ANKMY1: variants seen among roughly 807,000 people sequenced by gnomAD.
ANKMY1 encodes ankyrin repeat and MYND domain containing 1.
ANKMY1 carries 98 observed loss-of-function variants against 102.0 expected under a neutral mutation model. That is an observed-to-expected ratio of 0.96 (90% CI 0.82 to 1.14). The LOEUF is 1.14. Among genes scored for constraint, ANKMY1 ranks in the 50% most tolerant of loss-of-function variants. The pLI, the probability that ANKMY1 is intolerant of heterozygous loss-of-function variation, is 0.00. For synonymous variants in ANKMY1, 582 were observed against 559.9 expected, an observed-to-expected ratio of 1.04 and a Z score of -0.56; for missense variants, 1,330 against 1,347.6, an observed-to-expected ratio of 0.99 and a Z score of 0.20.
chr2:240,519,469 C>T (rs1342177721), intron 9 of ANKMY1, among the ~76,000 whole-genome samples: 1 of 152,226 alleles, frequency 6.6e-6, no homozygotes, highest in Non-Finnish European at 1.5e-5. Flanking sequence ...GTGAACCTAA[C>T]GAGGCCCTCA....
chr2:240,545,200 C>T (rs1354810085), intron 4 of ANKMY1, among the ~76,000 whole-genome samples: 1 of 152,246 alleles, frequency 6.6e-6, no homozygotes, highest in Admixed American at 6.5e-5. Flanking sequence ...GGTCCCTGAC[C>T]TCTGACCCCC....
intron 8 of ANKMY1, chr2:240,522,842 C>A (rs564298384): frequency 6.6e-6 from 1 of 152,364 alleles, no homozygotes; most frequent in South Asian, 2.1e-4. Context: ...TTAAGGGAAG[C>A]TATGAAGGTC....
At chr2:240,540,510 T>G (rs190020620) in intron 4 of ANKMY1, among the ~76,000 whole-genome samples, 2 of 152,224 alleles carry the variant, frequency 1.3e-5, no homozygotes, top group Non-Finnish European at 2.9e-5. Context: ...ACCAGATCAC[T>G]GCATCCAATG....
In ANKMY1 at chr2:240,545,249, G is replaced by C. The variant is rs532512912; in HGVS notation, c.480+7665C>G. On this transcript the variant is annotated intron_variant, in intron 4 of 17. Coordinates refer to ENST00000401804, the MANE Select transcript of ANKMY1 (RefSeq NM_001282771.3). ...TGGGAGGCACCCCCCAGCAGGGGCAGACTGACACCTCACAGGGCCGGGTAC... is the reference window on the plus strand; with the variant it reads ...TGGGAGGCACCCCCCAGCAGGGGCACACTGACACCTCACAGGGCCGGGTAC... Among the ~76,000 whole-genome samples, 767 of 152,334 alleles carry C rather than the reference G, an allele frequency of 5.0e-3. 4 individuals are homozygous for C. Among genetic ancestry groups the C allele is most frequent in the Non-Finnish European group, 7.9e-3 (535 of 68,028 alleles).
At chr2:240,524,620 G>A (rs181344109) in intron 7 of ANKMY1, among the ~76,000 whole-genome samples, 122 of 152,328 alleles carry the variant, frequency 8.0e-4, no homozygotes, top group Non-Finnish European at 1.4e-3. Context: ...CCTATACATG[G>A]CTGCTAAGCT....
At position 240,520,292 on chromosome 2, in the gene ANKMY1, G is replaced by A. The variant is rs1186541125; in HGVS notation, c.2004+70C>T. 6.7e-7 allele frequency: 1 copy of A among 1,487,918 alleles called. No individual in the cohort carries two copies. The allele number at this position is 1,487,918 out of a possible 1,614,324, so 92.2% of individuals were successfully genotyped here. A position where few individuals can be genotyped will look rare whatever the true frequency, so the allele number is the denominator to read the frequency against. ...CCTCTCTTCCGCGCCTAGGTGGAGC[G>A]AGGAGCTTCCCGGCCAGTGCCCGGG... On this transcript the variant is annotated intron_variant, in intron 9 of 17. Coordinates refer to ENST00000401804, the MANE Select transcript of ANKMY1 (RefSeq NM_001282771.3). This position sits in a 1 kb window ranked among gnomAD's most constrained non-coding sequence, Gnocchi z 4.8.
chr2:240,528,090 C>T (rs1221244943), intron 5 of ANKMY1, among the ~76,000 whole-genome samples: 1 of 152,084 alleles, frequency 6.6e-6, no homozygotes. Flanking sequence ...AGTTCAAGAC[C>T]AGCCTGGCCA....
At position 240,506,764 on chromosome 2, in the gene ANKMY1, G is replaced by A. The variant is rs1463513095; in HGVS notation, c.2526+796C>T. Among the ~76,000 whole-genome samples the A allele has an allele frequency of 6.6e-6, 1 of 152,118 alleles. No individual in the cohort carries two copies. Among genetic ancestry groups the A allele is most frequent in the Non-Finnish European group, 1.5e-5 (1 of 68,028 alleles). ...GTGGTGCCCACAGCGGACACAGGAA[G>A]GGCTGGCATGGGCGGAGGGCAGCAG... On this transcript the variant is annotated intron_variant, in intron 13 of 17. Transcript: ENST00000401804. The surrounding 1 kb of genome is among the most constrained non-coding windows in gnomAD (Gnocchi z 4.9).
chr2:240,531,825 T>C (rs1229829184), intron 4 of ANKMY1, among the ~76,000 whole-genome samples: 1 of 152,240 alleles, frequency 6.6e-6, no homozygotes, highest in Non-Finnish European at 1.5e-5. Context: ...AATGACTATA[T>C]GCATTTGCTC....
rs774820068 is a variant in ANKMY1, at chr2:240,481,029, C to T, written c.2954G>A (p.Arg985His). The T allele has an allele frequency of 5.6e-6, 9 of 1,613,828 alleles. No individual in the cohort carries two copies. Among genetic ancestry groups the T allele is most frequent in the East Asian group, 2.2e-5 (1 of 44,880 alleles). ...GCTGCAGGTCAGGATCCCGTAGCAG[C>T]GAGGGCAGGGCAAGAGGCGGACCCC... ...SIGVRLLPCP[R>H]CYGILTCSKY... Residue 985 changes from arginine to histidine, a missense_variant, in exon 17 of 18, where the codon CGC (arginine) becomes CAC (histidine). Physicochemically the swap from Arg to His is conservative, Grantham distance 29 (BLOSUM62 0). Transcript: ENST00000401804.
chr2:240,482,166 C>A lies in ANKMY1; in HGVS notation c.2885+17G>T. ...GGCTGCCATCCTGGAAAGAACCCAG[C>A]CTGCAGACACACTTACTGCCCCTGC... On this transcript the variant is annotated intron_variant, in intron 16 of 17. Coordinates refer to ENST00000401804, the MANE Select transcript of ANKMY1 (RefSeq NM_001282771.3). 1.9e-6 allele frequency: 3 copies of A among 1,611,306 alleles called. No homozygotes were observed. Among genetic ancestry groups the A allele is most frequent in the Non-Finnish European group, 1.7e-6 (2 of 1,178,562 alleles).
chr2:240,557,461 C>A, intron 1 of ANKMY1, 109 bp from the exon 2 acceptor site: 1 of 1,289,670 alleles, frequency 7.8e-7, no homozygotes, highest in East Asian at 2.8e-5. Context: ...ACCCAAGCCC[C>A]TCCCTGAACC....
chr2:240,493,269 G>A (rs2076857508), intron 15 of ANKMY1, among the ~76,000 whole-genome samples: 1 of 152,182 alleles, frequency 6.6e-6, no homozygotes, highest in African/African-American at 2.4e-5. Flanking sequence ...AGAGGTTACA[G>A]TAAGCTGAGA....
intron 16 of ANKMY1, 139 bp downstream of exon 16, chr2:240,482,044 T>A: frequency 1.1e-6 from 1 of 901,472 alleles, no homozygotes; most frequent in Non-Finnish European, 1.7e-6. Context: ...AAGCAGGACT[T>A]CCTAGAGGAG....
At chr2:240,478,658 G>A (rs1428030683), downstream of ANKMY1, among the ~76,000 whole-genome samples, 1 of 152,052 alleles carries the variant, frequency 6.6e-6, no homozygotes, top group Non-Finnish European at 1.5e-5. Flanking sequence ...ACCCCTTACA[G>A]AAGCCTTTCC....
rs1475295383 is a variant in ANKMY1, at chr2:240,529,337, G to T, written c.653C>A (p.Pro218His). 4 of 1,614,082 alleles carry T rather than the reference G, an allele frequency of 2.5e-6. No individual in the cohort carries two copies. The East Asian group carries it at 8.9e-5, about 36-fold the overall frequency. ...PEFSSFITHSPARISLSEEEK... is the reference protein window; with the variant it reads ...PEFSSFITHSHARISLSEEEK... ...CTCTTCTGAGAGGCTGATCCTGGCA[G>T]GGCTGTGGGTGATGAAGCTGGAGAA... Residue 218 changes from proline to histidine, a missense_variant, in exon 5 of 18, where the codon CCT becomes CAT. Coordinates refer to ENST00000401804, the MANE Select transcript of ANKMY1 (RefSeq NM_001282771.3). This position sits in a 1 kb window ranked among gnomAD's most constrained non-coding sequence, Gnocchi z 4.2.
Position 240,520,761 on chromosome 2 carries a change from C to T in ANKMY1, c.1833-228G>A, listed in dbSNP as rs1256073073. Among the ~76,000 whole-genome samples, 8 of 150,104 alleles carry T rather than the reference C, an allele frequency of 5.3e-5. No homozygotes were observed. Among genetic ancestry groups the T allele is most frequent in the African/African-American group, 2.0e-4 (8 of 40,752 alleles). On this transcript the variant is annotated intron_variant, in intron 8 of 17. Transcript: ENST00000401804. This position sits in a 1 kb window ranked among gnomAD's most constrained non-coding sequence, Gnocchi z 4.8. Reference sequence around the variant, plus strand: ...GCACACACACGGCACACACAGCACACCACACAGCACACTCACAACCACACC... The same window carrying T: ...GCACACACACGGCACACACAGCACATCACACAGCACACTCACAACCACACC...
rs760424033 is a variant in ANKMY1, at chr2:240,524,149, T to TC, written c.1567dup (p.Asp523GlyfsTer17). 4.3e-6 allele frequency: 7 copies of TC among 1,613,484 alleles called. No homozygotes were observed. The South Asian group carries it at 6.6e-5, about 15-fold the overall frequency. ...AAGGCTGCCCTTCACCAACGGGGAG[T>TC]CCCCCTTCAGAGAGCTGCTCCTGTG... On this transcript the variant is annotated frameshift_variant, in exon 8 of 18. Coordinates refer to ENST00000401804, the MANE Select transcript of ANKMY1 (RefSeq NM_001282771.3). LOFTEE classifies it high-confidence loss of function.
At chr2:240,512,511 GGA>G (rs374928735) in intron 10 of ANKMY1, among the ~76,000 whole-genome samples, 8 of 152,280 alleles carry the variant, frequency 5.3e-5, no homozygotes, top group African/African-American at 1.9e-4. Flanking sequence ...GGCGTGAGAT[GGA>G]GTTACCTGCA....
Sources: gnomAD v4.1 joint callset for allele counts (sites outside exome capture counted in the v4.1 genomes callset) on GRCh38, gnomAD v4.1.1 for gene constraint, Gnocchi (gnomAD v3.1) non-coding constraint, MANE v1.5 for transcripts, NCBI Gene and HGNC (gene_info 2026-07-23, HGNC 2026-07-21) for gene names.